Variants in KCNIP1 observed in about 807,000 individuals in gnomAD.
KCNIP1 encodes the protein A-type potassium channel modulatory protein KCNIP1.
Under a neutral mutation model 33.0 loss-of-function variants are expected in KCNIP1, and 18 were observed. That is an observed-to-expected ratio of 0.55 (90% confidence interval 0.38 to 0.81). The LOEUF (loss-of-function observed/expected upper bound fraction) is 0.81, where lower values mean the gene tolerates loss of function less well. KCNIP1 is among the 30% of genes least tolerant of loss of function. KCNIP1 has a pLI of 0.00. For synonymous variants in KCNIP1, 93 were observed against 98.3 expected (o/e 0.95, Z 0.32); for missense variants, 238 against 271.6 (o/e 0.88, Z 0.87).
At chr5:170,393,256 C>T (rs1232081214) in intron 1 of KCNIP1, among the ~76,000 whole-genome samples, 1 of 152,202 alleles carries the variant, frequency 6.6e-6, no homozygotes, top group Non-Finnish European at 1.5e-5. Flanking sequence ...GTCTGTACCC[C>T]TCTCTGGATT....
At chr5:170,437,703 A>C (rs921960053) in intron 1 of KCNIP1, among the ~76,000 whole-genome samples, 1 of 152,176 alleles carries the variant, frequency 6.6e-6, no homozygotes, top group Non-Finnish European at 1.5e-5. Context: ...AGCCCTGAGC[A>C]GCCACTCTGG....
At chr5:170,593,961 T>A (rs1162984696) in intron 1 of KCNIP1, among the ~76,000 whole-genome samples, 1 of 152,258 alleles carries the variant, frequency 6.6e-6, no homozygotes, top group East Asian at 1.9e-4. Flanking sequence ...TTTATGGACC[T>A]CTGTTGTATA....
intron 1 of KCNIP1, among the ~76,000 whole-genome samples, chr5:170,438,759 C>A (rs991738009): frequency 6.6e-6 from 1 of 152,180 alleles, no homozygotes; most frequent in African/African-American, 2.4e-5. Context: ...CTCCCTGTAT[C>A]TGACTTCGAC....
chr5:170,695,973 T>G (rs1762877763), intron 1 of KCNIP1, among the ~76,000 whole-genome samples: 1 of 149,440 alleles, frequency 6.7e-6, no homozygotes, highest in Admixed American at 6.7e-5. Flanking sequence ...GAGCCGAGAT[T>G]GCACCACTAC....
At chr5:170,708,420 G>A (rs1449887595) in intron 1 of KCNIP1, among the ~76,000 whole-genome samples, 1 of 152,210 alleles carries the variant, frequency 6.6e-6, no homozygotes, top group African/African-American at 2.4e-5. Context: ...ACAACATTCT[G>A]TGTTTCTATG....
At chr5:170,521,126 C>G (rs1398352997) in intron 1 of KCNIP1, among the ~76,000 whole-genome samples, 2 of 152,202 alleles carry the variant, frequency 1.3e-5, no homozygotes, top group Admixed American at 1.3e-4. Flanking sequence ...AACCACAATC[C>G]TAGTCCTTAG....
At position 170,515,435 on chromosome 5, in the gene KCNIP1, TC is replaced by T. The variant is rs1342817281; in HGVS notation, c.61+10806del. Among the ~76,000 whole-genome samples the T allele has an allele frequency of 3.9e-5, 6 of 152,286 alleles. No individual in the cohort carries two copies. In the East Asian group the frequency reaches 7.7e-4, roughly 20 times the overall value. Reference sequence around the variant, plus strand: ...AGGCAAGTCTGGTTCCCATCTGCCTTCCCCTGAAGAAGAAGCTGCTGGAAAA... The same window carrying T: ...AGGCAAGTCTGGTTCCCATCTGCCTTCCCTGAAGAAGAAGCTGCTGGAAAA... On this transcript the variant is annotated intron_variant, in intron 1 of 7. Transcript: ENST00000328939.
At chr5:170,552,927 C>T (rs1178951006) in intron 1 of KCNIP1, among the ~76,000 whole-genome samples, 2 of 152,226 alleles carry the variant, frequency 1.3e-5, no homozygotes, top group East Asian at 1.9e-4. Flanking sequence ...ACTCAGCCCT[C>T]CTCTCCCGCA....
Position 170,400,288 on chromosome 5 carries a change from G to A in KCNIP1, c.88+46324G>A, listed in dbSNP as rs149213264. On this transcript the variant is annotated intron_variant, in intron 1 of 7. Coordinates refer to the KCNIP1 transcript ENST00000377360. ...GTTCTGCATGGCTAGGGAGGCCTCA[G>A]GAAACTTACAATCACGGAGGAAGGA... 2.0e-4 allele frequency among the ~76,000 whole-genome samples: 30 copies of A among 152,286 alleles called. No individual in the cohort carries two copies. In the East Asian group the frequency reaches 3.7e-3, roughly 19 times the overall value.
At chr5:170,471,199 C>T (rs763889514) in intron 1 of KCNIP1, among the ~76,000 whole-genome samples, 4 of 152,164 alleles carry the variant, frequency 2.6e-5, no homozygotes, top group Non-Finnish European at 5.9e-5. Flanking sequence ...GTCTGTGCTC[C>T]ATCTCGCCCC....
intron 1 of KCNIP1, among the ~76,000 whole-genome samples, chr5:170,656,185 A>T (rs1216533722): frequency 6.6e-6 from 1 of 152,204 alleles, no homozygotes; most frequent in African/African-American, 2.4e-5. Context: ...GCTTCAGTTG[A>T]TGGAGTGCCT....
At chr5:170,700,392 C>T (rs141546519) in intron 1 of KCNIP1, among the ~76,000 whole-genome samples, 18 of 152,220 alleles carry the variant, frequency 1.2e-4, no homozygotes, top group African/African-American at 4.3e-4. Context: ...CAGTGAGAAA[C>T]CCATCTCTAC....
At chr5:170,534,790 G>A (rs981088552) in intron 1 of KCNIP1, among the ~76,000 whole-genome samples, 7 of 151,768 alleles carry the variant, frequency 4.6e-5, no homozygotes, top group African/African-American at 1.7e-4. Flanking sequence ...TCAAAGTGCT[G>A]GGATTACCAG....
At chr5:170,512,663 C>T (rs1020103466) in intron 1 of KCNIP1, among the ~76,000 whole-genome samples, 1 of 152,170 alleles carries the variant, frequency 6.6e-6, no homozygotes, top group Non-Finnish European at 1.5e-5. Flanking sequence ...ACTCAGAATG[C>T]GCTAAAGGTA....
At chr5:170,571,042 A>C (rs951391898) in intron 1 of KCNIP1, among the ~76,000 whole-genome samples, 2 of 152,162 alleles carry the variant, frequency 1.3e-5, no homozygotes, top group Non-Finnish European at 2.9e-5. Flanking sequence ...GGAAGCCTGC[A>C]ATTTGTTCTC....
intron 1 of KCNIP1, among the ~76,000 whole-genome samples, chr5:170,406,827 A>G (rs1410894108): frequency 1.3e-5 from 2 of 152,192 alleles, no homozygotes; most frequent in African/African-American, 4.8e-5. Context: ...CATGAGGTCC[A>G]AGGCCAGGCA....
intron 1 of KCNIP1, among the ~76,000 whole-genome samples, chr5:170,596,191 GA>G (rs1269368345): frequency 1.3e-5 from 2 of 152,162 alleles, no homozygotes; most frequent in Non-Finnish European, 2.9e-5. Context: ...ACTAATTCTA[GA>G]AGAATAGAAT....
At chr5:170,546,372 G>A (rs1756409513) in intron 1 of KCNIP1, among the ~76,000 whole-genome samples, 1 of 152,174 alleles carries the variant, frequency 6.6e-6, no homozygotes, top group Non-Finnish European at 1.5e-5. Flanking sequence ...CACCTGAGCT[G>A]CATAGAGCAC....
intron 1 of KCNIP1, among the ~76,000 whole-genome samples, chr5:170,659,171 T>A (rs1398033734): frequency 1.3e-5 from 2 of 152,052 alleles, no homozygotes; most frequent in African/African-American, 2.4e-5. Flanking sequence ...TTTTTTTTAA[T>A]CCAAAGTAGG....
Sources: gnomAD v4.1 joint callset for allele counts (sites outside exome capture counted in the v4.1 genomes callset) on GRCh38, gnomAD v4.1.1 for gene constraint, MANE v1.5 for transcripts, NCBI Gene and HGNC (gene_info 2026-07-23, HGNC 2026-07-21) for gene names.